PUS7: variants seen among roughly 807,000 people sequenced by gnomAD.
PUS7 encodes the protein pseudouridylate synthase 7 homolog.
PUS7 carries 48 observed loss-of-function variants against 79.8 expected under a neutral mutation model. The ratio of observed to expected loss-of-function variants is 0.60; its 90% confidence interval spans 0.48 to 0.76. The LOEUF is 0.76. Ranked by LOEUF, PUS7 falls within the 30% of genes least tolerant of loss-of-function variation. The pLI, the probability that PUS7 is intolerant of heterozygous loss-of-function variation, is 0.00. For synonymous variants in PUS7, 286 were observed against 272.2 expected (o/e 1.05, Z -0.50); for missense variants, 729 against 797.6 (o/e 0.91, Z 1.04).
chr7:105,467,234 G>A (rs1823686693), intron 12 of PUS7, among the ~76,000 whole-genome samples: 1 of 151,550 alleles, frequency 6.6e-6, no homozygotes, highest in African/African-American at 2.4e-5. Flanking sequence ...AGTGTCTTGG[G>A]AACATTTTGG....
intron 5 of PUS7, among the ~76,000 whole-genome samples, chr7:105,496,226 TAG>T (rs1220535538): frequency 1.7e-3 from 134 of 81,140 alleles, no homozygotes; most frequent in Middle Eastern, 0.013. Context: ...TATATATATA[TAG>T]AGAGAGAGAG....
chr7:105,492,446 T>TC (rs1824826982), intron 6 of PUS7, among the ~76,000 whole-genome samples: 1 of 150,056 alleles, frequency 6.7e-6, no homozygotes, highest in Admixed American at 6.7e-5. Flanking sequence ...TGCTTCAGCC[T>TC]CCCAAGTAGC....
intron 5 of PUS7, among the ~76,000 whole-genome samples, chr7:105,497,638 G>A (rs1203447927): frequency 2.0e-5 from 3 of 152,138 alleles, no homozygotes; most frequent in Non-Finnish European, 4.4e-5. Flanking sequence ...ATATGCAATA[G>A]GTATGTGATA....
chr7:105,498,032 A>G (rs1825106061), intron 5 of PUS7, among the ~76,000 whole-genome samples: 1 of 152,228 alleles, frequency 6.6e-6, no homozygotes, highest in Non-Finnish European at 1.5e-5. Context: ...CACAAGACTC[A>G]AAAACTAAAT....
intron 9 of PUS7, among the ~76,000 whole-genome samples, chr7:105,478,414 A>G (rs1824191445): frequency 6.6e-6 from 1 of 152,228 alleles, no homozygotes; most frequent in Admixed American, 6.5e-5. Context: ...AAATCGTTAT[A>G]CCATTTTACA....
At chr7:105,489,624 C>G (rs757815296) in intron 7 of PUS7, among the ~76,000 whole-genome samples, 1 of 152,122 alleles carries the variant, frequency 6.6e-6, no homozygotes, top group Non-Finnish European at 1.5e-5. Flanking sequence ...GGTGAGATGA[C>G]TGCTTTTATG....
intron 2 of PUS7, among the ~76,000 whole-genome samples, chr7:105,506,941 T>C: frequency 6.6e-6 from 1 of 152,216 alleles, no homozygotes; most frequent in East Asian, 1.9e-4. Flanking sequence ...AAGTCTACCA[T>C]GAACTAGCCT....
At chr7:105,478,455 T>A (rs1447979922) in intron 9 of PUS7, among the ~76,000 whole-genome samples, 1 of 152,258 alleles carries the variant, frequency 6.6e-6, no homozygotes, top group Non-Finnish European at 1.5e-5. Flanking sequence ...GGGTTCCAAT[T>A]TCTCTAATCC....
chr7:105,462,583 G>A (rs768411806), intron 14 of PUS7, 38 bp downstream of exon 14: 1 of 1,608,170 alleles, frequency 6.2e-7, no homozygotes, highest in East Asian at 2.2e-5. Flanking sequence ...CAACTTATAT[G>A]GTAATTCAGT....
intron 9 of PUS7, among the ~76,000 whole-genome samples, chr7:105,473,415 A>ATTTTTTT (rs922271999): frequency 8.1e-6 from 1 of 123,614 alleles, no homozygotes; most frequent in Non-Finnish European, 1.7e-5. Flanking sequence ...TGCCTGCCTA[A>ATTTTTTT]TTTTTTTTTT....
chr7:105,492,547 C>T (rs1425125985), intron 6 of PUS7, among the ~76,000 whole-genome samples: 2 of 145,406 alleles, frequency 1.4e-5, no homozygotes, highest in Admixed American at 6.9e-5. Context: ...GCTCTGTCGC[C>T]CAGGCTGGAG....
rs1307045164 is a variant in PUS7 at position 105,459,164 on chromosome 7, T to C, written c.1849+4A>G. ...ACACAGAGCTGATGACTGAGTAAAC[T>C]TACCAGAAGCAAAAACTGGTGGTGT... On this transcript the variant is annotated splice_donor_region_variant and intron_variant, in intron 15 of 15. Transcript: ENST00000469408. 1 of 1,592,570 alleles carries C rather than the reference T, an allele frequency of 6.3e-7. No individual in the cohort carries two copies. The highest frequency in any genetic ancestry group is 8.6e-7 in the Non-Finnish European group (1 of 1,165,664).
chr7:105,517,520 C>T (rs1037262902), intron 1 of PUS7, among the ~76,000 whole-genome samples: 3 of 152,136 alleles, frequency 2.0e-5, no homozygotes, highest in Non-Finnish European at 4.4e-5. Flanking sequence ...CCTCTGCACT[C>T]CAAATGAGAC....
At chr7:105,465,936 C>T (rs1823624956) in intron 12 of PUS7, among the ~76,000 whole-genome samples, 1 of 152,100 alleles carries the variant, frequency 6.6e-6, no homozygotes. Context: ...GGTGGGTAGA[C>T]TGCTTGAGCC....
At chr7:105,459,373 A>G (rs1389383548) in intron 14 of PUS7, 114 bp from the exon 15 acceptor site, 1 of 551,158 alleles carries the variant, frequency 1.8e-6, no homozygotes, top group African/African-American at 1.9e-5. Context: ...GTAAATAATT[A>G]TAGTTAGGAA....
At position 105,495,147 on chromosome 7, in the gene PUS7, G is replaced by A. The variant is rs370575611; in HGVS notation, c.837C>T (p.Tyr279=). 5.7e-5 allele frequency: 89 copies of A among 1,566,920 alleles called. No homozygotes were observed. The highest frequency in any genetic ancestry group is 7.3e-5 in the Non-Finnish European group (83 of 1,140,608). The change falls in exon 6 of 16, where the codon TAC becomes TAT. Residue 279 remains tyrosine (Y), a synonymous_variant. Transcript: ENST00000469408. The part of the protein sequence containing the change: ...TMDAINVLSK[Y]LRVKPNIFSY... ...GCATAACAACAGTAACTCACCTTAA[G>A]TATTTGGAGAGTACATTAATAGCAT...
chr7:105,503,118 T>G (rs1471639224), intron 4 of PUS7, among the ~76,000 whole-genome samples: 1 of 152,214 alleles, frequency 6.6e-6, no homozygotes, highest in Non-Finnish European at 1.5e-5. Flanking sequence ...ATCTTTGTAA[T>G]CTCTCCATCA....
Position 105,466,529 on chromosome 7 carries a change from G to A in PUS7, c.1526-1115C>T, listed in dbSNP as rs539563162. Among the ~76,000 whole-genome samples, 4 of 152,076 alleles carry A rather than the reference G, an allele frequency of 2.6e-5. No individual in the cohort carries two copies. The East Asian group carries it at 5.8e-4, about 22-fold the overall frequency. On this transcript the variant is annotated intron_variant, in intron 12 of 15. Coordinates refer to ENST00000469408, the MANE Select transcript of PUS7 (RefSeq NM_019042.5). ...TGGCCTCCCAAAGTACTGGGATTAC[G>A]GGTGTGAGCTACTGCACCAAATCTG...
At chr7:105,471,898 C>G (rs1182513984) in intron 10 of PUS7, among the ~76,000 whole-genome samples, 7 of 126,970 alleles carry the variant, frequency 5.5e-5, no homozygotes, top group Non-Finnish European at 8.1e-5. Context: ...GGAAACAAGA[C>G]TAAAACTCCT....
Sources: allele counts gnomAD v4.1 joint callset (sites outside exome capture counted in the v4.1 genomes callset), GRCh38; gene constraint gnomAD v4.1.1; transcripts MANE v1.5; gene names NCBI Gene and HGNC (gene_info 2026-07-23, HGNC 2026-07-21).